EPHA6: variants seen among roughly 807,000 people sequenced by gnomAD.
EPHA6 encodes the protein EPH receptor A6.
A neutral mutation model predicts 112.0 loss-of-function variants in EPHA6; 50 were observed. The ratio of observed to expected loss-of-function variants is 0.45; its 90% CI spans 0.36 to 0.56. The LOEUF is 0.56. Among genes scored for constraint, EPHA6 ranks in the 20% least tolerant of loss-of-function variants. The probability of loss-of-function intolerance (pLI) is 0.00; values close to 1 mark genes in which losing one functional copy is unlikely to be tolerated. For missense variants in EPHA6, 1,280 were observed against 1,417.4 expected (o/e 0.90, Z 1.56); for synonymous variants, 529 against 490.7 (o/e 1.08, Z -1.03).
At chr3:97,102,965 AT>A (rs1559729984) in intron 3 of EPHA6, among the ~76,000 whole-genome samples, 1 of 151,910 alleles carries the variant, frequency 6.6e-6, no homozygotes, top group Non-Finnish European at 1.5e-5. Context: ...CCTTTACCTA[AT>A]TTTTAATAGG....
At chr3:96,865,327 T>C (rs1226505977) in intron 1 of EPHA6, among the ~76,000 whole-genome samples, 2 of 151,880 alleles carry the variant, frequency 1.3e-5, no homozygotes, top group African/African-American at 2.4e-5. Context: ...ATCTTTAGAG[T>C]AGACACCAAA....
chr3:96,927,742 C>T (rs1446298026), intron 2 of EPHA6, among the ~76,000 whole-genome samples: 3 of 152,152 alleles, frequency 2.0e-5, no homozygotes, highest in Non-Finnish European at 4.4e-5. Context: ...CTCCCTGTTA[C>T]CCTGTTCCAA....
intron 14 of EPHA6, among the ~76,000 whole-genome samples, chr3:97,675,535 T>C (rs1276690412): frequency 6.6e-6 from 1 of 152,072 alleles, no homozygotes; most frequent in Admixed American, 6.6e-5. Flanking sequence ...CCAAAGAATC[T>C]ACATAATATA....
rs796778133 is a variant in EPHA6, at chr3:97,002,111, C to A, written c.1114+14118C>A. Among the ~76,000 whole-genome samples, 48 of 151,676 alleles carry A rather than the reference C, an allele frequency of 3.2e-4. 1 individual carries two copies. The South Asian group carries it at 6.0e-3, about 19-fold the overall frequency. ...CTTCAGGATTGGTTATTTTTTACCG[C>A]CTCGTAATTAAGGAGCCTATATTCT... On this transcript the variant is annotated intron_variant, in intron 3 of 17. Coordinates refer to ENST00000389672, the MANE Select transcript of EPHA6 (RefSeq NM_001080448.3).
In EPHA6 at chr3:97,050,120, G is replaced by T. The variant is rs566838279; in HGVS notation, c.1114+62127G>T. On this transcript the variant is annotated intron_variant, in intron 3 of 17. Transcript: ENST00000389672. ...CTCTTTCATTGACAAGTGATCTGAG[G>T]CTCTGGACTCAGACCAACGTGATGT... 3.9e-5 allele frequency among the ~76,000 whole-genome samples: 6 copies of T among 152,260 alleles called. No individual in the cohort carries two copies. The East Asian group carries it at 1.2e-3, about 29-fold the overall frequency.
intron 5 of EPHA6, among the ~76,000 whole-genome samples, chr3:97,380,342 C>A (rs898107394): frequency 7.2e-5 from 11 of 152,068 alleles, no homozygotes; most frequent in African/African-American, 2.4e-4. Context: ...AAAAGATGTT[C>A]CCTGGACATA....
At chr3:97,483,797 A>G in intron 9 of EPHA6, 137 bp from the exon 10 acceptor site, 1 of 894,204 alleles carries the variant, frequency 1.1e-6, no homozygotes. Context: ...TTAATATGGG[A>G]CAGGAAGAAA....
intron 11 of EPHA6, among the ~76,000 whole-genome samples, chr3:97,575,463 A>G (rs373156618): frequency 9.9e-5 from 15 of 152,188 alleles, no homozygotes; most frequent in Non-Finnish European, 1.8e-4. Context: ...TACCTTAAAA[A>G]TTCACAAAGT....
intron 3 of EPHA6, among the ~76,000 whole-genome samples, chr3:97,049,169 A>C (rs1000698839): frequency 6.6e-5 from 10 of 152,142 alleles, no homozygotes; most frequent in African/African-American, 2.4e-4. Flanking sequence ...TGAAATGTAA[A>C]GGCTTTGGTT....
intron 6 of EPHA6, among the ~76,000 whole-genome samples, chr3:97,438,596 T>C (rs1200998032): frequency 6.6e-6 from 1 of 152,170 alleles, no homozygotes; most frequent in Non-Finnish European, 1.5e-5. Context: ...GCCTACAATA[T>C]GCTAGGCATA....
rs528703976 is a variant in EPHA6 at position 97,501,157 on chromosome 3, A to C, written c.2200+17098A>C. Among the ~76,000 whole-genome samples the C allele has an allele frequency of 9.8e-4, 149 of 152,330 alleles. 1 individual carries two copies. Among genetic ancestry groups the C allele is most frequent in the African/African-American group, 3.4e-3 (143 of 41,584 alleles). On this transcript the variant is annotated intron_variant, in intron 10 of 17. Transcript: ENST00000389672. Reference sequence around the variant, plus strand: ...CCAGAAATTGAGAAATCTGCCAATAAGGCAGAAGTTTTGATGTGCTTTCTT... The same window carrying C: ...CCAGAAATTGAGAAATCTGCCAATACGGCAGAAGTTTTGATGTGCTTTCTT...
rs565188697 is a variant in EPHA6 at position 96,988,702 on chromosome 3, G to T, written c.1114+709G>T. 7.2e-5 allele frequency among the ~76,000 whole-genome samples: 11 copies of T among 152,110 alleles called. No homozygotes were observed. In the South Asian group the frequency reaches 1.0e-3, roughly 14 times the overall value. ...ATTAATCTTTTGCTATTATTACATA[G>T]AATTTTTCACCATATAACACATTAG... is the stretch of plus-strand genomic sequence containing the variant. On this transcript the variant is annotated intron_variant, in intron 3 of 17. Transcript: ENST00000389672.
At chr3:97,065,954 G>A (rs1252105136) in intron 3 of EPHA6, among the ~76,000 whole-genome samples, 1 of 151,758 alleles carries the variant, frequency 6.6e-6, no homozygotes, top group Admixed American at 6.6e-5. Context: ...ATTAATGAAT[G>A]GTAATTGAGA....
At chr3:97,203,325 C>T (rs2108501357) in intron 3 of EPHA6, among the ~76,000 whole-genome samples, 1 of 152,116 alleles carries the variant, frequency 6.6e-6, no homozygotes, top group East Asian at 1.9e-4. Flanking sequence ...GATAAAGGGA[C>T]AGATTTAACA....
chr3:97,596,709 C>A (rs1560173921), intron 12 of EPHA6, among the ~76,000 whole-genome samples: 1 of 146,788 alleles, frequency 6.8e-6, no homozygotes, highest in Non-Finnish European at 1.5e-5. Context: ...TTTTAGCTTA[C>A]TTTTTTGTCC....
At chr3:97,078,333 A>G (rs540567090) in intron 3 of EPHA6, among the ~76,000 whole-genome samples, 3 of 152,116 alleles carry the variant, frequency 2.0e-5, no homozygotes, top group South Asian at 4.2e-4. Flanking sequence ...AATTTCTCCC[A>G]TTCTGTAGGT....
chr3:97,539,005 TTC>T (rs2107667258), intron 11 of EPHA6, among the ~76,000 whole-genome samples: 1 of 150,350 alleles, frequency 6.7e-6, no homozygotes, highest in Admixed American at 6.6e-5. Context: ...CTTTCTTTCT[TTC>T]TTTCTTTCTT....
intron 5 of EPHA6, among the ~76,000 whole-genome samples, chr3:97,334,204 T>C (rs2082943778): frequency 6.6e-6 from 1 of 152,114 alleles, no homozygotes; most frequent in Non-Finnish European, 1.5e-5. Flanking sequence ...ATTTTTTTAA[T>C]ACTGGGTTAA....
intron 4 of EPHA6, among the ~76,000 whole-genome samples, chr3:97,238,125 T>A (rs1238848866): frequency 6.6e-6 from 1 of 152,008 alleles, no homozygotes; most frequent in African/African-American, 2.4e-5. Flanking sequence ...AACTTGAAGA[T>A]GCAAATGCTT....
Sources: allele counts gnomAD v4.1 joint callset (sites outside exome capture counted in the v4.1 genomes callset), GRCh38; gene constraint gnomAD v4.1.1; transcripts MANE v1.5; gene names NCBI Gene and HGNC (gene_info 2026-07-23, HGNC 2026-07-21).